The following OVCH1 variants were observed in gnomAD, a reference collection of about 807,000 sequenced individuals.
OVCH1 encodes ovochymase 1.
A neutral mutation model predicts 138.4 loss-of-function variants in OVCH1; 139 were observed. The observed-to-expected ratio is 1.00, with a 90% CI of 0.87 to 1.16. The LOEUF is 1.16. OVCH1 is among the 50% of genes most tolerant of loss of function. The pLI is 0.00. For missense variants in OVCH1, 1,367 were observed against 1,357.9 expected, an observed-to-expected ratio of 1.01 and a Z score of -0.11; for synonymous variants, 453 against 467.8, an observed-to-expected ratio of 0.97 and a Z score of 0.41.
chr12:29,479,832 T>C (rs1942870045), intron 8 of OVCH1, among the ~76,000 whole-genome samples: 1 of 149,414 alleles, frequency 6.7e-6, no homozygotes, highest in Non-Finnish European at 1.5e-5. Context: ...TTCTTTTTTT[T>C]TTTTTTTTTG....
chr12:29,487,477 A>G, intron 7 of OVCH1: 1 of 440,494 alleles, frequency 2.3e-6, no homozygotes, highest in Non-Finnish European at 4.0e-6. Flanking sequence ...GCAAAAAGGC[A>G]TCTCATGAAA....
rs750809268 is a variant in OVCH1 at position 29,451,619 on chromosome 12, GA to G, written c.2531-51del. The G allele has an allele frequency of 7.1e-6, 10 of 1,417,352 alleles. No individual in the cohort carries two copies. In the African/African-American group the frequency reaches 1.3e-4, roughly 18 times the overall value. The allele number at this position is 1,417,352 out of a possible 1,614,324, so 87.8% of individuals were successfully genotyped here. Reference sequence around the variant, plus strand: ...CAGGGACCAACATAAATAAAGCAAAGAAAAACCAGATTCTATCACAAGACTG... The same window carrying G: ...CAGGGACCAACATAAATAAAGCAAAGAAAACCAGATTCTATCACAAGACTG... On this transcript the variant is annotated intron_variant, in intron 21 of 27. Transcript: ENST00000318184.
At chr12:29,412,833 TA>T (rs1940977572) in intron 3 of OVCH1, 1 of 152,224 alleles carries the variant, frequency 6.6e-6, no homozygotes, top group African/African-American at 2.4e-5. Context: ...TAGAAATAGC[TA>T]CTTTGACTTA....
chr12:29,480,873 TC>T (rs1942907715), intron 8 of OVCH1, among the ~76,000 whole-genome samples: 1 of 152,188 alleles, frequency 6.6e-6, no homozygotes, highest in African/African-American at 2.4e-5. Flanking sequence ...GCTGAAGAAG[TC>T]ACTGACTGTG....
chr12:29,447,519 T>C (rs924282216), intron 22 of OVCH1, among the ~76,000 whole-genome samples: 3 of 151,834 alleles, frequency 2.0e-5, no homozygotes, highest in African/African-American at 7.3e-5. Context: ...ACGGTCCGAG[T>C]CCCTAGGTGT....
intron 19 of OVCH1, among the ~76,000 whole-genome samples, chr12:29,461,390 G>A (rs568254006): frequency 6.6e-6 from 1 of 152,276 alleles, no homozygotes; most frequent in Admixed American, 6.5e-5. Context: ...TATCAAGCTT[G>A]TACAATAGAC....
Position 29,419,983 on chromosome 12 carries a change from C to G in OVCH1, c.*71+3144G>C, listed in dbSNP as rs1406146295. 2.0e-5 allele frequency among the ~76,000 whole-genome samples: 3 copies of G among 152,122 alleles called. No individual in the cohort carries two copies. In the South Asian group the frequency reaches 6.2e-4, roughly 32 times the overall value. On this transcript the variant is annotated intron_variant and NMD_transcript_variant, in intron 3 of 4. Coordinates refer to the OVCH1 transcript ENST00000539117. ...ATGAGGTTTTGATTCACTGAAGGGTCCTGCTCACCAAGTTATTTGAGCAGA... is the reference window on the plus strand; with the variant it reads ...ATGAGGTTTTGATTCACTGAAGGGTGCTGCTCACCAAGTTATTTGAGCAGA...
chr12:29,431,254 GCAAGACCTCGTCTCTAC>G (rs2135900578), intron 27 of OVCH1, among the ~76,000 whole-genome samples: 1 of 152,094 alleles, frequency 6.6e-6, no homozygotes, highest in African/African-American at 2.4e-5. Context: ...CTGGGTAACA[GCAAGACCTCGTCTCTAC>G]CAAAAAAAAC....
chr12:29,477,310 T>G, intron 11 of OVCH1, 31 bp downstream of exon 11: 1 of 1,613,482 alleles, frequency 6.2e-7, no homozygotes, highest in Non-Finnish European at 8.5e-7. Flanking sequence ...CAAGGGAAAA[T>G]GGCAAGGAAT....
In OVCH1 at chr12:29,486,084, G is replaced by T. The variant is rs2136069444; in HGVS notation, c.995+162C>A. On this transcript the variant is annotated intron_variant, in intron 8 of 27. Transcript: ENST00000318184. ...CAAAAGTTTTAGATGCCAGGGTCAG[G>T]TTTTAAATGTTGGAGCCTATGTATG... Among the ~76,000 whole-genome samples, 3 of 152,208 alleles carry T rather than the reference G, an allele frequency of 2.0e-5. No individual in the cohort carries two copies. In the East Asian group the frequency reaches 5.8e-4, roughly 29 times the overall value.
intron 27 of OVCH1, among the ~76,000 whole-genome samples, chr12:29,432,039 A>G (rs1253454266): frequency 6.6e-6 from 1 of 152,194 alleles, no homozygotes; most frequent in Non-Finnish European, 1.5e-5. Context: ...ACGCATAGTT[A>G]TAGGTTTCAG....
chr12:29,470,200 G>T (rs10843426), intron 16 of OVCH1, among the ~76,000 whole-genome samples: 62,556 of 151,968 alleles, frequency 0.41, 13,787 homozygotes, highest in East Asian at 0.57. Flanking sequence ...AAGAAATTTA[G>T]CATAGTATTT....
At chr12:29,482,052 G>A (rs1014201915) in intron 8 of OVCH1, among the ~76,000 whole-genome samples, 1 of 152,148 alleles carries the variant, frequency 6.6e-6, no homozygotes, top group Admixed American at 6.5e-5. Context: ...CTGCAACCCA[G>A]TAATAAAAGT....
At chr12:29,407,068 A>T in the OVCH1 span, among the ~76,000 whole-genome samples, 2 of 151,740 alleles carry the variant, frequency 1.3e-5, no homozygotes, top group Non-Finnish European at 2.9e-5. Flanking sequence ...GATGATGAGT[A>T]TTTTTTCATG....
intron 26 of OVCH1, among the ~76,000 whole-genome samples, chr12:29,436,546 T>C (rs1018435214): frequency 3.9e-5 from 6 of 152,242 alleles, no homozygotes; most frequent in African/African-American, 1.4e-4. Flanking sequence ...GGGTTCTTGG[T>C]CTTGCTGACT....
At chr12:29,489,685 G>A (rs1385092610) in exon 6 of OVCH1, 1 of 1,609,940 alleles carries the variant, frequency 6.2e-7, no homozygotes, top group Non-Finnish European at 8.5e-7. Context: ...AGGGGAGGGA[G>A]GTTCATGCTC....
intron 4 of OVCH1, among the ~76,000 whole-genome samples, chr12:29,491,658 A>G (rs144169423): frequency 8.4e-4 from 128 of 152,336 alleles, no homozygotes; most frequent in South Asian, 7.7e-3. Flanking sequence ...AATTCAAGAG[A>G]AAGTGGCTGA....
At position 29,497,633 on chromosome 12, in the gene OVCH1, G is replaced by A. The variant is rs772469174; in HGVS notation, c.54C>T (p.Pro18=). 9.9e-6 allele frequency: 16 copies of A among 1,613,806 alleles called. No homozygotes were observed. The South Asian group carries it at 1.5e-4, about 16-fold the overall frequency. ...GGTCCCTAGGCTCACCTAGGCTTCTGGGGTGGCCGATGACCAGCAACAGCA... is the reference window on the plus strand; with the variant it reads ...GGTCCCTAGGCTCACCTAGGCTTCTAGGGTGGCCGATGACCAGCAACAGCA... Residue 18 remains proline (P), a synonymous_variant, in exon 1 of 28, where the codon CCC becomes CCT. Transcript: ENST00000318184.
intron 26 of OVCH1, among the ~76,000 whole-genome samples, chr12:29,437,612 A>AT (rs2135911851): frequency 6.6e-6 from 1 of 152,318 alleles, no homozygotes; most frequent in African/African-American, 2.4e-5. Flanking sequence ...GGATCCTAAG[A>AT]ACTAGTATGC....
Sources: gnomAD v4.1 joint callset for allele counts (sites outside exome capture counted in the v4.1 genomes callset) on GRCh38, gnomAD v4.1.1 for gene constraint, MANE v1.5 for transcripts, NCBI Gene and HGNC (gene_info 2026-07-23, HGNC 2026-07-21) for gene names.